GLI2: variants seen among roughly 807,000 people sequenced by gnomAD.
GLI2 encodes the protein transcription activator GLI2.
GLI2 carries 22 observed loss-of-function variants against 78.9 expected under a neutral mutation model. That is an observed-to-expected ratio of 0.28 (90% CI 0.20 to 0.40). The LOEUF is 0.40. GLI2 is among the 10% of genes least tolerant of loss of function. GLI2 has a pLI of 1.00. For synonymous variants in GLI2, 974 were observed against 963.7 expected (o/e 1.01, Z -0.20); for missense variants, 2,097 against 2,213.2 (o/e 0.95, Z 1.05).
chr2:120,755,469 T>C (rs1373263793), intron 1 of GLI2, among the ~76,000 whole-genome samples: 1 of 152,164 alleles, frequency 6.6e-6, no homozygotes, highest in Non-Finnish European at 1.5e-5. Context: ...TCCTTATTGC[T>C]TAGTTTTGAG....
At chr2:120,834,089 T>A (rs1686493201) in intron 2 of GLI2, among the ~76,000 whole-genome samples, 1 of 152,202 alleles carries the variant, frequency 6.6e-6, no homozygotes, top group Admixed American at 6.5e-5. Flanking sequence ...CCCAGCATCC[T>A]CTGCACAATG....
At position 120,988,355 on chromosome 2, in the gene GLI2, G is replaced by T; in HGVS notation, c.2390G>T (p.Ser797Ile). The T allele has an allele frequency of 6.4e-7, 1 of 1,573,500 alleles. No homozygotes were observed. The highest frequency in any genetic ancestry group is 8.6e-7 in the Non-Finnish European group (1 of 1,167,728). ...CGCGACAGCTCCACCAGCACGGTCA[G>T]CTCGGCCTACACCGTGAGCCGCCGC... ...ERRDSSTSTVSSAYTVSRRSS... is the reference protein window; with the variant it reads ...ERRDSSTSTVISAYTVSRRSS... Residue 797 changes from serine (S) to isoleucine (I), a missense_variant, in exon 14 of 14, where the codon AGC becomes ATC. By Grantham distance (142) the Ser-to-Ile change is moderately radical. Around this residue, in one of 5 missense-constraint regions of GLI2, gnomAD observed 1,290 missense variants for 1,261.7 expected, o/e 1.02. Coordinates refer to ENST00000361492, the MANE Select transcript of GLI2 (RefSeq NM_001374353.1).
intron 2 of GLI2, among the ~76,000 whole-genome samples, chr2:120,834,431 G>T (rs1476421714): frequency 6.6e-6 from 1 of 152,188 alleles, no homozygotes; most frequent in East Asian, 1.9e-4. Context: ...GGGTGTTAGG[G>T]CAGAGGCATG....
chr2:120,857,393 C>A (rs1210597178), intron 2 of GLI2, among the ~76,000 whole-genome samples: 1 of 121,286 alleles, frequency 8.2e-6, no homozygotes, highest in Non-Finnish European at 1.7e-5. Context: ...ATCTGCCCAC[C>A]CACCCACCCA....
intron 5 of GLI2, among the ~76,000 whole-genome samples, chr2:120,965,932 C>T (rs1022097555): frequency 3.3e-5 from 5 of 152,200 alleles, no homozygotes; most frequent in African/African-American, 9.6e-5. Context: ...AAGTGGGCAT[C>T]CCCAGAAGCA....
intron 1 of GLI2, among the ~76,000 whole-genome samples, chr2:120,783,756 A>T (rs560920689): frequency 6.6e-6 from 1 of 152,238 alleles, no homozygotes; most frequent in East Asian, 1.9e-4. Flanking sequence ...CCCTCTCCAT[A>T]CTATCCACGT....
chr2:120,989,141 G>A lies in GLI2; in HGVS notation c.3176G>A (p.Gly1059Asp). The A allele has an allele frequency of 6.2e-7, 1 of 1,613,078 alleles. No homozygotes were observed. Among genetic ancestry groups the A allele is most frequent in the Non-Finnish European group, 8.5e-7 (1 of 1,179,980 alleles). The change falls in exon 14 of 14, where the codon GGC (glycine) becomes GAC (aspartate). Residue 1059 changes from glycine to aspartate, a missense_variant. Transcript: ENST00000361492. Reference sequence around the variant, plus strand: ...CAGTACATCAAGGCGCACGCCAGTGGCGCTCTGGACGAGGGCACCGGGCAG... The same window carrying A: ...CAGTACATCAAGGCGCACGCCAGTGACGCTCTGGACGAGGGCACCGGGCAG... ...VVQYIKAHAS[G>D]ALDEGTGQVY...
At chr2:120,980,565 C>A (rs1682672916) in intron 10 of GLI2, among the ~76,000 whole-genome samples, 1 of 152,138 alleles carries the variant, frequency 6.6e-6, no homozygotes, top group Non-Finnish European at 1.5e-5. Flanking sequence ...GCAAATAATT[C>A]TCCCATTCTC....
intron 2 of GLI2, among the ~76,000 whole-genome samples, chr2:120,910,450 A>G (rs1277006338): frequency 7.2e-5 from 11 of 152,210 alleles, no homozygotes; most frequent in Admixed American, 3.9e-4. Context: ...GTTTCAGGCA[A>G]TTACTTAATC....
At chr2:120,753,321 C>T (rs1252824158) in intron 1 of GLI2, among the ~76,000 whole-genome samples, 3 of 152,080 alleles carry the variant, frequency 2.0e-5, no homozygotes, top group Admixed American at 1.3e-4. Flanking sequence ...GTTTCAAACT[C>T]GTGACTTCAG....
chr2:120,896,198 G>C (rs1677933490), intron 2 of GLI2, among the ~76,000 whole-genome samples: 1 of 152,176 alleles, frequency 6.6e-6, no homozygotes, highest in Non-Finnish European at 1.5e-5. Flanking sequence ...GTGTGGCTCA[G>C]ATTTCTCCCT....
intron 2 of GLI2, among the ~76,000 whole-genome samples, chr2:120,877,454 G>A (rs973839052): frequency 3.3e-5 from 5 of 152,080 alleles, no homozygotes; most frequent in Non-Finnish European, 5.9e-5. Context: ...ACACATCCAC[G>A]TAACCAGCAC....
intron 2 of GLI2, among the ~76,000 whole-genome samples, chr2:120,811,625 A>C (rs1573413240): frequency 6.6e-6 from 1 of 152,130 alleles, no homozygotes; most frequent in African/African-American, 2.4e-5. Flanking sequence ...GGAGAGGTGC[A>C]GTTGGAAAGG....
At chr2:120,842,371 A>T (rs944499426) in intron 2 of GLI2, among the ~76,000 whole-genome samples, 2 of 152,096 alleles carry the variant, frequency 1.3e-5, no homozygotes, top group Admixed American at 1.3e-4. Context: ...TTTGCATGAC[A>T]ATGTATCTTG....
chr2:120,962,737 A>G (rs1001233748), intron 5 of GLI2, among the ~76,000 whole-genome samples: 5 of 152,210 alleles, frequency 3.3e-5, no homozygotes, highest in African/African-American at 1.2e-4. Flanking sequence ...ATTAATAAAC[A>G]TATTTCCCAT....
intron 2 of GLI2, among the ~76,000 whole-genome samples, chr2:120,862,350 G>C (rs879740392): frequency 2.6e-5 from 4 of 152,174 alleles, no homozygotes; most frequent in Non-Finnish European, 5.9e-5. Context: ...CCTCCGCCAG[G>C]CTCCTGCTGT....
At position 120,963,589 on chromosome 2, in the gene GLI2, GGT is replaced by G. The variant is rs376257175; in HGVS notation, c.644-5114_644-5113del. Among the ~76,000 whole-genome samples, 896 of 151,410 alleles carry G rather than the reference GGT, an allele frequency of 5.9e-3. 7 individuals carry two copies. The highest frequency in any genetic ancestry group is 0.021 in the African/African-American group (870 of 41,272). On this transcript the variant is annotated intron_variant, in intron 5 of 13. Coordinates refer to ENST00000361492, the MANE Select transcript of GLI2 (RefSeq NM_001374353.1). ...GGGTGTGTGTGTATGTGTCCACCTG[GGT>G]GTGTGTGTGTCCACCTGGGGTGTGT...
At chr2:120,965,521 A>G (rs1230047405) in intron 5 of GLI2, among the ~76,000 whole-genome samples, 1 of 148,066 alleles carries the variant, frequency 6.8e-6, no homozygotes, top group African/African-American at 2.5e-5. Context: ...GCCGGGATGC[A>G]GATGCTGCGG....
rs890137078 is a variant in GLI2 at position 120,988,418 on chromosome 2, C to G, written c.2453C>G (p.Ser818Cys). ...TCCCCCTACTTCTCCAGCCGCCGCT[C>G]CAGCGAGGCCTCGCCCCTGGGCGCC... ...GISPYFSSRR[S>C]SEASPLGAGR... The change falls in exon 14 of 14, where the codon TCC (serine) becomes TGC (cysteine). Residue 818 changes from serine to cysteine, a missense_variant. By Grantham distance (112) the Ser-to-Cys change is moderately radical. Transcript: ENST00000361492. The G allele has an allele frequency of 8.3e-6, 13 of 1,574,402 alleles. No homozygotes were observed. In the African/African-American group the frequency reaches 1.5e-4, roughly 18 times the overall value.
Sources: gnomAD v4.1 joint callset for allele counts (sites outside exome capture counted in the v4.1 genomes callset) on GRCh38, gnomAD v4.1.1 for gene constraint, gnomAD v4.1.1 regional missense constraint, MANE v1.5 for transcripts, NCBI Gene and HGNC (gene_info 2026-07-23, HGNC 2026-07-21) for gene names.